LDLRAD3: variants seen among roughly 807,000 people sequenced by gnomAD.
LDLRAD3 encodes low-density lipoprotein receptor class A domain-containing protein 3.
A neutral mutation model predicts 29.4 loss-of-function variants in LDLRAD3; 20 were observed. The observed-to-expected ratio is 0.68, with a 90% confidence interval of 0.48 to 0.99. The LOEUF is 0.99. Among genes scored for constraint, LDLRAD3 ranks in the 50% least tolerant of loss-of-function variants. LDLRAD3 has a pLI of 0.00. For synonymous variants in LDLRAD3, 157 were observed against 192.7 expected, an observed-to-expected ratio of 0.81 and a Z score of 1.53; for missense variants, 420 against 454.3, an observed-to-expected ratio of 0.92 and a Z score of 0.69.
At chr11:36,038,116 C>T (rs897790403) in intron 2 of LDLRAD3, among the ~76,000 whole-genome samples, 6 of 152,064 alleles carry the variant, frequency 3.9e-5, no homozygotes, top group Non-Finnish European at 7.4e-5. Context: ...CCAGGTTGCT[C>T]TTGAACCCCT....
intron 4 of LDLRAD3, among the ~76,000 whole-genome samples, chr11:36,204,915 G>A (rs1015206823): frequency 2.6e-5 from 4 of 152,146 alleles, no homozygotes; most frequent in Non-Finnish European, 4.4e-5. Flanking sequence ...TGTCACATTG[G>A]CACTTGTTCT....
At chr11:36,104,940 C>A (rs561986514) in intron 4 of LDLRAD3, among the ~76,000 whole-genome samples, 9 of 152,304 alleles carry the variant, frequency 5.9e-5, no homozygotes, top group African/African-American at 1.9e-4. Flanking sequence ...TTTTCCCTCT[C>A]TTTGTACTCC....
intron 4 of LDLRAD3, among the ~76,000 whole-genome samples, chr11:36,133,311 C>T (rs911997333): frequency 4.0e-5 from 6 of 151,042 alleles, no homozygotes; most frequent in East Asian, 2.0e-4. Context: ...GCTGGGATTA[C>T]AGGTGTCAGC....
chr11:36,190,079 GGGAGGA>G (rs199874539), intron 4 of LDLRAD3, among the ~76,000 whole-genome samples: 6,357 of 134,140 alleles, frequency 0.047, 184 homozygotes, highest in South Asian at 0.08. Flanking sequence ...GAGGGGGGAG[GGGAGGA>G]GGAGGAGAAA....
Position 36,069,709 on chromosome 11 carries a change from C to T in LDLRAD3, c.194-11944C>T, listed in dbSNP as rs535304418. 3.3e-5 allele frequency among the ~76,000 whole-genome samples: 5 copies of T among 152,038 alleles called. No individual in the cohort carries two copies. In the East Asian group the frequency reaches 9.7e-4, roughly 29 times the overall value. ...ATGAGAAGCTTGTTCATACTGACCT[C>T]CTTTCAGTTGCTCCTTTACCACATT... On this transcript the variant is annotated intron_variant, in intron 2 of 5. Coordinates refer to ENST00000315571, the MANE Select transcript of LDLRAD3 (RefSeq NM_174902.4).
intron 2 of LDLRAD3, among the ~76,000 whole-genome samples, chr11:36,068,340 C>A (rs1852831427): frequency 6.6e-6 from 1 of 152,186 alleles, no homozygotes; most frequent in Admixed American, 6.5e-5. Flanking sequence ...TACCAGATAG[C>A]AAGCATTTTG....
In LDLRAD3 at chr11:35,980,367, C is replaced by T. The variant is rs530373089; in HGVS notation, c.46+36223C>T. 2.0e-5 allele frequency among the ~76,000 whole-genome samples: 3 copies of T among 152,180 alleles called. No individual in the cohort carries two copies. In the South Asian group the frequency reaches 6.2e-4, roughly 32 times the overall value. On this transcript the variant is annotated intron_variant, in intron 1 of 5. Coordinates refer to ENST00000315571, the MANE Select transcript of LDLRAD3 (RefSeq NM_174902.4). Reference sequence around the variant, plus strand: ...GGCTTATTGGCTCCTGTTAGGGAACCGATCCACTGGTAGATTAGTTAGTTG... The same window carrying T: ...GGCTTATTGGCTCCTGTTAGGGAACTGATCCACTGGTAGATTAGTTAGTTG...
chr11:35,982,516 T>C (rs57553332), intron 1 of LDLRAD3, among the ~76,000 whole-genome samples: 4,299 of 152,318 alleles, frequency 0.028, 182 homozygotes, highest in African/African-American at 0.098. Context: ...TCCGGCATAC[T>C]GTTTTTGGGG....
chr11:35,954,636 CTTTT>C (rs1851179080), intron 1 of LDLRAD3, among the ~76,000 whole-genome samples: 1 of 152,168 alleles, frequency 6.6e-6, no homozygotes, highest in Non-Finnish European at 1.5e-5. Flanking sequence ...CTAACTTTGC[CTTTT>C]GGTGAAAATT....
chr11:36,184,973 C>A (rs36036155), intron 4 of LDLRAD3, among the ~76,000 whole-genome samples: 7,315 of 152,206 alleles, frequency 0.048, 562 homozygotes, highest in African/African-American at 0.16. Context: ...CCTCAATTTT[C>A]CAGATGCTTA....
rs139908938 is a variant in LDLRAD3 at position 36,181,544 on chromosome 11, C to G, written c.455-45541C>G. On this transcript the variant is annotated intron_variant, in intron 4 of 5. Transcript: ENST00000315571. ...GGCCTTCAGACTCCAAAGTCCAGAC[C>G]GTCCCTGGGAACAAGCACCCTAGGT... is the stretch of plus-strand genomic sequence containing the variant. Among the ~76,000 whole-genome samples, 366 of 152,226 alleles carry G rather than the reference C, an allele frequency of 2.4e-3. 2 individuals are homozygous for G. Among genetic ancestry groups the G allele is most frequent in the Admixed American group, 5.8e-3 (88 of 15,286 alleles).
intron 4 of LDLRAD3, among the ~76,000 whole-genome samples, chr11:36,133,050 A>G (rs1018466823): frequency 6.6e-6 from 1 of 152,238 alleles, no homozygotes; most frequent in Admixed American, 6.5e-5. Flanking sequence ...TGTTTGGCCC[A>G]TGGTATGTGC....
chr11:36,107,341 G>A (rs1005148715), intron 4 of LDLRAD3, among the ~76,000 whole-genome samples: 2 of 151,762 alleles, frequency 1.3e-5, no homozygotes, highest in South Asian at 2.1e-4. Flanking sequence ...GCTGAGAGGC[G>A]CCCGCTACTA....
At chr11:35,953,467 C>T (rs1851162862) in intron 1 of LDLRAD3, among the ~76,000 whole-genome samples, 1 of 152,122 alleles carries the variant, frequency 6.6e-6, no homozygotes, top group South Asian at 2.1e-4. Flanking sequence ...TTAAAAATCC[C>T]TTCTCATTAT....
At chr11:36,107,009 C>T (rs1027525895) in intron 4 of LDLRAD3, among the ~76,000 whole-genome samples, 8 of 152,086 alleles carry the variant, frequency 5.3e-5, no homozygotes, top group Non-Finnish European at 8.8e-5. Flanking sequence ...GGAACTGACC[C>T]GGACCCACCC....
chr11:36,047,664 A>G (rs2422127), intron 2 of LDLRAD3, among the ~76,000 whole-genome samples: 4,761 of 152,300 alleles, frequency 0.031, 234 homozygotes, highest in Admixed American at 0.13. Context: ...GTGCAAAGTG[A>G]GAAGGACCTG....
chr11:36,036,953 G>A (rs76796761), intron 2 of LDLRAD3, among the ~76,000 whole-genome samples: 2,787 of 152,234 alleles, frequency 0.018, 80 homozygotes, highest in African/African-American at 0.063. Context: ...AAGAGGCACC[G>A]GGGATGTGAG....
At chr11:36,218,674 A>G (rs1302898559) in intron 4 of LDLRAD3, among the ~76,000 whole-genome samples, 3 of 152,238 alleles carry the variant, frequency 2.0e-5, no homozygotes, top group Non-Finnish European at 4.4e-5. Context: ...CTGGCAGACC[A>G]GATGGCCAGG....
chr11:36,022,419 A>G (rs1019127209), intron 1 of LDLRAD3, among the ~76,000 whole-genome samples: 1 of 151,152 alleles, frequency 6.6e-6, no homozygotes, highest in Non-Finnish European at 1.5e-5. Flanking sequence ...CTTCTACTGA[A>G]TTTTAGTATT....
Sources: allele counts gnomAD v4.1 joint callset (sites outside exome capture counted in the v4.1 genomes callset), GRCh38; gene constraint gnomAD v4.1.1; transcripts MANE v1.5; gene names NCBI Gene and HGNC (gene_info 2026-07-23, HGNC 2026-07-21).